The following RTN4 variants were observed in gnomAD, a reference collection of about 807,000 sequenced individuals.
RTN4 encodes the protein reticulon-4.
Under a neutral mutation model 90.4 loss-of-function variants are expected in RTN4, and 32 were observed. The observed-to-expected ratio is 0.35, with a 90% CI of 0.27 to 0.48. The LOEUF is 0.48. Ranked by LOEUF, RTN4 falls within the 20% of genes least tolerant of loss-of-function variation. The probability of loss-of-function intolerance (pLI) is 0.99; values close to 1 mark genes in which losing one functional copy is unlikely to be tolerated. For synonymous variants in RTN4, 629 were observed against 552.5 expected (o/e 1.14, Z -1.94); for missense variants, 1,706 against 1,430.2 (o/e 1.19, Z -3.11).
intron 1 of RTN4, among the ~76,000 whole-genome samples, chr2:55,096,257 C>T (rs979118828): frequency 1.3e-5 from 2 of 151,584 alleles, no homozygotes; most frequent in Non-Finnish European, 1.5e-5. Flanking sequence ...ACCCGGGAGG[C>T]GGAGGTTGCT....
chr2:55,048,587 G>A (rs886320069), intron 1 of RTN4, among the ~76,000 whole-genome samples: 1 of 151,988 alleles, frequency 6.6e-6, no homozygotes, highest in African/African-American at 2.4e-5. Context: ...TCGCTAGGCG[G>A]CAGGAATTTT....
chr2:55,097,914 A>C (rs1229571792), intron 1 of RTN4, among the ~76,000 whole-genome samples: 2 of 152,086 alleles, frequency 1.3e-5, no homozygotes, highest in Non-Finnish European at 2.9e-5. Context: ...TGAAGGGCCA[A>C]GAATGACATA....
chr2:55,108,923 T>C (rs927855274), intron 1 of RTN4, among the ~76,000 whole-genome samples: 5 of 152,068 alleles, frequency 3.3e-5, no homozygotes, highest in Non-Finnish European at 7.4e-5. Context: ...AACACATCCC[T>C]AAGGAAACTC....
intron 3 of RTN4, among the ~76,000 whole-genome samples, chr2:54,992,860 G>A (rs562084336): frequency 3.0e-4 from 46 of 151,932 alleles, no homozygotes; most frequent in African/African-American, 1.1e-3. Flanking sequence ...ATGAGGTCAG[G>A]AGATCGAGAC....
chr2:55,067,368 CAT>C (rs1172177280), intron 2 of RTN4, among the ~76,000 whole-genome samples: 1 of 151,250 alleles, frequency 6.6e-6, no homozygotes, highest in African/African-American at 2.4e-5. Flanking sequence ...GGGAATAGCA[CAT>C]GTTTGCTTTG....
At chr2:55,009,443 G>C (rs1680472500) in intron 3 of RTN4, among the ~76,000 whole-genome samples, 2 of 152,050 alleles carry the variant, frequency 1.3e-5, no homozygotes, top group Non-Finnish European at 2.9e-5. Context: ...GAAAGGATCT[G>C]GGCTTTCAAG....
chr2:55,091,509 T>C (rs186572114), intron 1 of RTN4, among the ~76,000 whole-genome samples: 120 of 152,292 alleles, frequency 7.9e-4, no homozygotes, highest in African/African-American at 2.7e-3. Flanking sequence ...TGATTACAAA[T>C]TTTTCATCTT....
intron 1 of RTN4, among the ~76,000 whole-genome samples, chr2:55,104,046 C>A (rs146972296): frequency 6.6e-6 from 1 of 151,150 alleles, no homozygotes; most frequent in African/African-American, 2.4e-5. Flanking sequence ...GTTTTTTGTT[C>A]TTTTTATTCA....
rs998354912 is a variant in RTN4, at chr2:55,026,127, G to T, written c.1972C>A (p.Pro658Thr). ...GATACACTCATGGCCTCTTCATATGGTGGGGGGTTTTCAGGCTCATGTTTT... is the reference window on the plus strand; with the variant it reads ...GATACACTCATGGCCTCTTCATATGTTGGGGGGTTTTCAGGCTCATGTTTT... ...SIKHEPENPP[P>T]YEEAMSVSLK... Residue 658 changes from proline to threonine, a missense_variant, in exon 3 of 9, where the codon CCA becomes ACA. Transcript: ENST00000337526. 6.2e-7 allele frequency: 1 copy of T among 1,613,342 alleles called. No individual in the cohort carries two copies. The highest frequency in any genetic ancestry group is 8.5e-7 in the Non-Finnish European group (1 of 1,179,782).
intron 2 of RTN4, 143 bp from the exon 3 acceptor site, chr2:55,027,628 T>G (rs1034869243): frequency 6.4e-6 from 5 of 784,344 alleles, no homozygotes; most frequent in Non-Finnish European, 9.9e-6. Context: ...TAAGTAACAA[T>G]AGAGTAGACT....
chr2:55,043,534 C>T (rs1283501415), intron 1 of RTN4, among the ~76,000 whole-genome samples: 2 of 152,134 alleles, frequency 1.3e-5, no homozygotes, highest in African/African-American at 4.8e-5. Flanking sequence ...GGGAGAACTG[C>T]TTGAGCCCAG....
At chr2:55,000,944 G>C (rs1558787739) in intron 3 of RTN4, among the ~76,000 whole-genome samples, 1 of 151,902 alleles carries the variant, frequency 6.6e-6, no homozygotes, top group Admixed American at 6.6e-5. Flanking sequence ...TTGTTTTCTA[G>C]AAGCAATCTG....
At chr2:54,998,800 T>G (rs574640252) in intron 3 of RTN4, among the ~76,000 whole-genome samples, 1 of 152,202 alleles carries the variant, frequency 6.6e-6, no homozygotes, top group Admixed American at 6.5e-5. Context: ...AATGCTAATT[T>G]TGGATTCCTC....
chr2:55,097,066 C>T (rs1667745132), intron 1 of RTN4, among the ~76,000 whole-genome samples: 1 of 151,410 alleles, frequency 6.6e-6, no homozygotes, highest in Non-Finnish European at 1.5e-5. Context: ...GCAATGATTT[C>T]AATAAAGAAA....
chr2:54,988,481 G>A (rs6729675), intron 3 of RTN4, among the ~76,000 whole-genome samples: 10,364 of 152,064 alleles, frequency 0.068, 1,110 homozygotes, highest in African/African-American at 0.23. Context: ...TAAAAAGGCC[G>A]AGATACAAAA....
At chr2:55,118,743 C>G in the RTN4 span, among the ~76,000 whole-genome samples, 1 of 152,130 alleles carries the variant, frequency 6.6e-6, no homozygotes, top group Non-Finnish European at 1.5e-5. Flanking sequence ...CAGAAAGGCC[C>G]TAGCTCATGG....
In RTN4 at chr2:55,026,659, A is replaced by C. The variant is rs201813514; in HGVS notation, c.1440T>G (p.Phe480Leu). ...CTGAAGTAGGATCTCCTAACAAAGGAAAAATGTTTGTTGCAATGCTCTCAG... is the reference window on the plus strand; with the variant it reads ...CTGAAGTAGGATCTCCTAACAAAGGCAAAATGTTTGTTGCAATGCTCTCAG... ...AATESIATNI[F>L]PLLGDPTSEN... Residue 480 changes from phenylalanine to leucine, a missense_variant, in exon 3 of 9, where the codon TTT becomes TTG. Coordinates refer to ENST00000337526, the MANE Select transcript of RTN4 (RefSeq NM_020532.5). 1.2e-5 allele frequency: 20 copies of C among 1,613,218 alleles called. No individual in the cohort carries two copies. Among genetic ancestry groups the C allele is most frequent in the Non-Finnish European group, 1.5e-5 (18 of 1,179,854 alleles).
chr2:54,980,390 G>T (rs977358052), intron 5 of RTN4, among the ~76,000 whole-genome samples: 7 of 152,176 alleles, frequency 4.6e-5, no homozygotes, highest in African/African-American at 1.4e-4. Flanking sequence ...TTCTCTGAAA[G>T]AATAAATAAG....
In RTN4 at chr2:55,026,453, C is replaced by T; in HGVS notation, c.1646G>A (p.Gly549Asp). ...TTCCTGTACTAAATCTGGAGTCAGG[C>T]CTTCAGGCATGTTTGCCACGACTTC... ...TEEVVANMPEGLTPDLVQEAC... is the reference protein window; with the variant it reads ...TEEVVANMPEDLTPDLVQEAC... Residue 549 changes from glycine to aspartate, a missense_variant, in exon 3 of 9, where the codon GGC (glycine) becomes GAC (aspartate). Coordinates refer to ENST00000337526, the MANE Select transcript of RTN4 (RefSeq NM_020532.5). 6.2e-7 allele frequency: 1 copy of T among 1,613,912 alleles called. No homozygotes were observed. The highest frequency in any genetic ancestry group is 8.5e-7 in the Non-Finnish European group (1 of 1,179,900).
Sources: gnomAD v4.1 joint callset for allele counts (sites outside exome capture counted in the v4.1 genomes callset) on GRCh38, gnomAD v4.1.1 for gene constraint, MANE v1.5 for transcripts, NCBI Gene and HGNC (gene_info 2026-07-23, HGNC 2026-07-21) for gene names.